The following HMCN1 variants were observed in gnomAD, a reference collection of about 807,000 sequenced individuals.
HMCN1 encodes hemicentin 1, also known as hemicentin-1.
Under a neutral mutation model 625.9 loss-of-function variants are expected in HMCN1, and 321 were observed. The observed-to-expected ratio is 0.51, with a 90% CI of 0.47 to 0.56. The LOEUF (loss-of-function observed/expected upper bound fraction) is 0.56. Ranked by LOEUF, HMCN1 falls within the 20% of genes least tolerant of loss-of-function variation. The pLI is 0.00. For missense variants in HMCN1, 6,588 were observed against 6,887.3 expected (o/e 0.96, Z 1.54); for synonymous variants, 2,425 against 2,417.6 (o/e 1.00, Z -0.09).
At chr1:186,118,678 GAAC>G (rs899110203) in intron 77 of HMCN1, among the ~76,000 whole-genome samples, 1 of 152,150 alleles carries the variant, frequency 6.6e-6, no homozygotes, top group African/African-American at 2.4e-5. Flanking sequence ...CAATAAAAAG[GAAC>G]AAAATATTGA....
chr1:185,988,743 G>A (rs1313509609), intron 20 of HMCN1, among the ~76,000 whole-genome samples: 1 of 152,148 alleles, frequency 6.6e-6, no homozygotes, highest in Non-Finnish European at 1.5e-5. Flanking sequence ...CCACTGATGG[G>A]CTTTGTGATC....
At chr1:185,862,282 G>T (rs1018936229) in intron 2 of HMCN1, among the ~76,000 whole-genome samples, 4 of 152,022 alleles carry the variant, frequency 2.6e-5, no homozygotes, top group Non-Finnish European at 5.9e-5. Flanking sequence ...ATAAAGTTAA[G>T]TGGAAGGAAA....
At chr1:186,037,894 C>T (rs778682600) in intron 36 of HMCN1, 40 bp from the exon 37 acceptor site, 1 of 1,164,434 alleles carries the variant, frequency 8.6e-7, no homozygotes, top group Admixed American at 1.7e-5. Flanking sequence ...CTTAAATATT[C>T]TACTTATAAG....
chr1:185,864,800 T>C (rs1279750192), intron 3 of HMCN1, among the ~76,000 whole-genome samples, 172 bp downstream of exon 3: 1 of 152,218 alleles, frequency 6.6e-6, no homozygotes, highest in East Asian at 1.9e-4. Context: ...AACATATATG[T>C]GATATTTATA....
chr1:185,806,381 G>A (rs1012898782), intron 1 of HMCN1, among the ~76,000 whole-genome samples: 1 of 151,832 alleles, frequency 6.6e-6, no homozygotes, highest in Non-Finnish European at 1.5e-5. Flanking sequence ...TAACAGGAAA[G>A]TTTTATCCAG....
chr1:186,114,212 A>G (rs1661021272), intron 73 of HMCN1, 89 bp downstream of exon 73: 1 of 1,292,958 alleles, frequency 7.7e-7, no homozygotes, highest in South Asian at 1.2e-5. Flanking sequence ...TGGTCTCATT[A>G]TGTTTAGAAT....
intron 2 of HMCN1, among the ~76,000 whole-genome samples, chr1:185,849,504 TA>T (rs1177193684): frequency 1.3e-5 from 2 of 152,182 alleles, no homozygotes; most frequent in Non-Finnish European, 2.9e-5. Context: ...CACTTTTTAA[TA>T]AATGAATGAA....
intron 2 of HMCN1, among the ~76,000 whole-genome samples, chr1:185,860,184 A>AT (rs1354814770): frequency 6.6e-6 from 1 of 152,148 alleles, no homozygotes; most frequent in East Asian, 1.9e-4. Flanking sequence ...TTTACTTTTA[A>AT]TTTTCAGTTA....
At chr1:185,933,243 T>A (rs1184740301) in intron 10 of HMCN1, among the ~76,000 whole-genome samples, 1 of 151,876 alleles carries the variant, frequency 6.6e-6, no homozygotes, top group Non-Finnish European at 1.5e-5. Context: ...AAACTTTGCC[T>A]CCTTTCACAA....
At chr1:185,737,594 A>G (rs1052885202) in intron 1 of HMCN1, among the ~76,000 whole-genome samples, 2 of 152,214 alleles carry the variant, frequency 1.3e-5, no homozygotes, top group Non-Finnish European at 2.9e-5. Context: ...TGTGACAGTT[A>G]ATGACTCTTT....
chr1:185,901,423 A>G (rs1951512), intron 4 of HMCN1, among the ~76,000 whole-genome samples: 7 of 151,586 alleles, frequency 4.6e-5, no homozygotes, highest in African/African-American at 1.7e-4. Context: ...GAAATTCACC[A>G]CATGTTATAA....
intron 36 of HMCN1, among the ~76,000 whole-genome samples, chr1:186,032,257 G>A (rs1337119618): frequency 6.6e-6 from 1 of 151,822 alleles, no homozygotes; most frequent in Non-Finnish European, 1.5e-5. Flanking sequence ...CAAAGGATGT[G>A]AATAGACAAT....
intron 19 of HMCN1, among the ~76,000 whole-genome samples, chr1:185,985,948 C>T (rs1438833453): frequency 6.6e-6 from 1 of 152,214 alleles, no homozygotes; most frequent in Non-Finnish European, 1.5e-5. Flanking sequence ...TTCTCTTCCA[C>T]ACCCAAATGT....
chr1:185,869,453 A>G (rs1663470543), intron 4 of HMCN1, among the ~76,000 whole-genome samples: 1 of 152,170 alleles, frequency 6.6e-6, no homozygotes, highest in African/African-American at 2.4e-5. Context: ...TGTTGGTATT[A>G]TGCTTTTAAA....
At chr1:185,926,741 C>T (rs952496694) in intron 9 of HMCN1, among the ~76,000 whole-genome samples, 1 of 152,142 alleles carries the variant, frequency 6.6e-6, no homozygotes. Flanking sequence ...ATGTCCCTGC[C>T]CTAGATTTCC....
intron 1 of HMCN1, among the ~76,000 whole-genome samples, chr1:185,841,598 G>C (rs1661481533): frequency 1.3e-5 from 2 of 152,054 alleles, no homozygotes; most frequent in Non-Finnish European, 2.9e-5. Context: ...ACACTTACTG[G>C]AAATCTGAAT....
At chr1:185,854,064 T>C (rs1662319466) in intron 2 of HMCN1, among the ~76,000 whole-genome samples, 1 of 152,208 alleles carries the variant, frequency 6.6e-6, no homozygotes, top group African/African-American at 2.4e-5. Context: ...TTTTAGGTGA[T>C]GGTAAGGATG....
chr1:185,858,135 TA>T (rs1268223925), intron 2 of HMCN1, among the ~76,000 whole-genome samples: 1 of 152,202 alleles, frequency 6.6e-6, no homozygotes, highest in East Asian at 1.9e-4. Flanking sequence ...TAAAACATGT[TA>T]AAAGTGATAC....
intron 89 of HMCN1, among the ~76,000 whole-genome samples, chr1:186,141,649 A>C (rs75873027): frequency 6.6e-6 from 1 of 152,220 alleles, no homozygotes; most frequent in Non-Finnish European, 1.5e-5. Context: ...GAGCAAAGCC[A>C]TCATAGCTCC....
Sources: gnomAD v4.1 joint callset for allele counts (sites outside exome capture counted in the v4.1 genomes callset) on GRCh38, gnomAD v4.1.1 for gene constraint, MANE v1.5 for transcripts, NCBI Gene and HGNC (gene_info 2026-07-23, HGNC 2026-07-21) for gene names.